The following ZC3H18 variants were observed in gnomAD, a reference collection of about 807,000 sequenced individuals.
ZC3H18 encodes the protein zinc finger CCCH-type containing 18.
In ZC3H18, 8 loss-of-function variants were observed where a neutral mutation model predicts 106.1. The ratio of observed to expected loss-of-function variants is 0.08; its 90% CI spans 0.04 to 0.14. The LOEUF is 0.14. Ranked by LOEUF, ZC3H18 falls within the 10% of genes least tolerant of loss-of-function variation. The pLI, the probability that ZC3H18 is intolerant of heterozygous loss-of-function variation, is 1.00. For synonymous variants in ZC3H18, 635 were observed against 522.1 expected, an observed-to-expected ratio of 1.22 and a Z score of -2.95; for missense variants, 1,318 against 1,278.4, an observed-to-expected ratio of 1.03 and a Z score of -0.47.
At chr16:88,605,662 A>C (rs1214061942) in intron 6 of ZC3H18, among the ~76,000 whole-genome samples, 1 of 152,270 alleles carries the variant, frequency 6.6e-6, no homozygotes, top group Non-Finnish European at 1.5e-5. Flanking sequence ...ATTAAAAGTG[A>C]GTAGTGTTAG....
intron 1 of ZC3H18, chr16:88,571,707 A>T (rs1392623514): frequency 2.0e-6 from 2 of 982,986 alleles, no homozygotes; most frequent in Admixed American, 6.2e-5. Context: ...GTGTTTACAG[A>T]GATTTGTATT....
rs747611042 is a variant in ZC3H18 at position 88,623,275 on chromosome 16, G to A, written c.1724G>A (p.Arg575Gln). The A allele has an allele frequency of 3.4e-5, 55 of 1,613,524 alleles. No individual in the cohort carries two copies. The highest frequency in any genetic ancestry group is 6.6e-5 in the South Asian group (6 of 91,086). The change falls in exon 10 of 18, where the codon CGG becomes CAG. Residue 575 changes from arginine (R) to glutamine (Q), a missense_variant. Physicochemically the swap from Arg to Gln is conservative, Grantham distance 43 (BLOSUM62 1). This residue lies in a region of ZC3H18 where 848 missense variants were observed against 821.7 expected (regional missense o/e 1.03). Transcript: ENST00000301011. ...TCCGGCTCCTCCCGGTCGCGATCCC[G>A]GTCTTCATCCTACAGCTCCTACTCC... Reference protein sequence around the residue: ...SGSGSSRSRSRSSSYSSYSSR... With the variant: ...SGSGSSRSRSQSSSYSSYSSR...
chr16:88,611,881 C>G (rs1597348523), intron 8 of ZC3H18, among the ~76,000 whole-genome samples: 1 of 152,218 alleles, frequency 6.6e-6, no homozygotes, highest in Non-Finnish European at 1.5e-5. Context: ...AACTCACACC[C>G]TGGGCACCAT....
chr16:88,607,424 T>G (rs1905064888), intron 6 of ZC3H18, among the ~76,000 whole-genome samples: 1 of 152,236 alleles, frequency 6.6e-6, no homozygotes, highest in Admixed American at 6.5e-5. Flanking sequence ...CTCATTGGTG[T>G]TTTTGCTGGG....
intron 6 of ZC3H18, among the ~76,000 whole-genome samples, chr16:88,606,978 G>A (rs140567141): frequency 1.3e-5 from 2 of 152,280 alleles, no homozygotes; most frequent in East Asian, 1.9e-4. Flanking sequence ...CTGGAGGGGC[G>A]TCCAGGGACC....
chr16:88,618,060 G>A (rs978966009), intron 8 of ZC3H18, among the ~76,000 whole-genome samples: 13 of 152,374 alleles, frequency 8.5e-5, no homozygotes, highest in African/African-American at 2.4e-4. Context: ...CACAGAAGGC[G>A]CAGTTGCTGG....
At chr16:88,619,361 C>G (rs1008297941) in intron 8 of ZC3H18, among the ~76,000 whole-genome samples, 1 of 152,204 alleles carries the variant, frequency 6.6e-6, no homozygotes, top group Non-Finnish European at 1.5e-5. Context: ...CATGGACTTG[C>G]TGGATAGGAC....
At chr16:88,609,346 G>A in intron 7 of ZC3H18, 1 of 209,614 alleles carries the variant, frequency 4.8e-6, no homozygotes, top group South Asian at 6.4e-5. Flanking sequence ...CACCCAGGCT[G>A]GAGTGCAGCG....
chr16:88,614,047 A>G (rs1033092504), intron 8 of ZC3H18, among the ~76,000 whole-genome samples: 1 of 152,198 alleles, frequency 6.6e-6, no homozygotes, highest in African/African-American at 2.4e-5. Context: ...CCTTATTGGG[A>G]AACAGCCCGA....
chr16:88,586,742 T>C (rs1177854798), intron 3 of ZC3H18, 58 bp downstream of exon 3: 7 of 1,401,924 alleles, frequency 5.0e-6, no homozygotes, highest in Non-Finnish European at 5.0e-6. Context: ...CTTCTGGGGC[T>C]GTGGTGCTGG....
At position 88,623,205 on chromosome 16, in the gene ZC3H18, C is replaced by T; in HGVS notation, c.1668-14C>T. The T allele has an allele frequency of 1.2e-6, 2 of 1,610,700 alleles. No individual in the cohort carries two copies. Among genetic ancestry groups the T allele is most frequent in the Non-Finnish European group, 1.7e-6 (2 of 1,179,564 alleles). The stretch of plus-strand genomic sequence containing the variant: ...CTTCTCACTTCTCGCCACGCTCCGT[C>T]CCGCCCGCCCCAGGTCGTCTTCGCG... On this transcript the variant is annotated splice_polypyrimidine_tract_variant and intron_variant, in intron 9 of 17. Transcript: ENST00000301011.
intron 6 of ZC3H18, chr16:88,608,591 G>C (rs1905123413): frequency 6.1e-6 from 1 of 163,816 alleles, no homozygotes; most frequent in African/African-American, 2.4e-5. Flanking sequence ...TCAAACTCCT[G>C]ACCTCAGGTG....
chr16:88,622,408 C>T lies in ZC3H18; in HGVS notation c.1667+20C>T, dbSNP rs200051446. 2.1e-5 allele frequency: 34 copies of T among 1,583,644 alleles called. No homozygotes were observed. In the African/African-American group the frequency reaches 3.8e-4, roughly 18 times the overall value. On this transcript the variant is annotated intron_variant, in intron 9 of 17. Coordinates refer to ENST00000301011, the MANE Select transcript of ZC3H18 (RefSeq NM_144604.4). ...CTCCAGGTAAGGAGGGCTCGTGGGA[C>T]GGCTGGGGTGTCAGCACCTTGGAGC...
chr16:88,628,983 G>A (rs187527065), intron 16 of ZC3H18, 129 bp downstream of exon 16: 10 of 805,658 alleles, frequency 1.2e-5, no homozygotes, highest in Admixed American at 5.5e-5. Flanking sequence ...ACTTGCAGAT[G>A]ATGCCTGTCG....
chr16:88,622,435 G>T (rs368749779), intron 9 of ZC3H18, 47 bp downstream of exon 9: 1 of 1,531,318 alleles, frequency 6.5e-7, no homozygotes, highest in South Asian at 1.2e-5. Flanking sequence ...CCTTGGAGCC[G>T]TCAGCTGACA....
Position 88,624,633 on chromosome 16 carries a change from C to G in ZC3H18, c.1930C>G (p.Pro644Ala), listed in dbSNP as rs763513939. 3.1e-6 allele frequency: 5 copies of G among 1,613,870 alleles called. No individual in the cohort carries two copies. In the South Asian group the frequency reaches 4.4e-5, roughly 14 times the overall value. The change falls in exon 12 of 18, where the codon CCA becomes GCA. Residue 644 changes from proline to alanine, a missense_variant. By Grantham distance (27) the Pro-to-Ala change is conservative (BLOSUM62 -1). This residue lies in a region of ZC3H18 where 848 missense variants were observed against 821.7 expected (regional missense o/e 1.03). Transcript: ENST00000301011. ...GTCAGTGAAGAAGCCGGCCCCGCCT[C>G]CAGCCCCACCACAGGCCACCAAAAC... is the stretch of plus-strand genomic sequence containing the variant. ...EKSVKKPAPPPAPPQATKTTA... is the reference protein window; with the variant it reads ...EKSVKKPAPPAAPPQATKTTA...
intron 6 of ZC3H18, among the ~76,000 whole-genome samples, chr16:88,605,078 C>G (rs1271693123): frequency 2.0e-5 from 3 of 152,270 alleles, no homozygotes; most frequent in Non-Finnish European, 2.9e-5. Context: ...CCTCAGGTAA[C>G]AGGTCTACCA....
chr16:88,582,219 CT>C (rs71391393), intron 2 of ZC3H18, among the ~76,000 whole-genome samples: 21 of 77,176 alleles, frequency 2.7e-4, no homozygotes, highest in African/African-American at 1.1e-3. Flanking sequence ...TTTTTCTTTT[CT>C]TTTTTTTTTT....
Position 88,627,187 on chromosome 16 carries a change from A to T in ZC3H18, c.2109-435A>T, listed in dbSNP as rs1430749052. The stretch of plus-strand genomic sequence containing the variant: ...CGGGTTCAAGCGATTTTTTTGCCTC[A>T]GCCTCCCCAGTAGCTGGGATTACAG... On this transcript the variant is annotated intron_variant, in intron 13 of 17. Transcript: ENST00000301011. The surrounding 1 kb of genome is among the most constrained non-coding windows in gnomAD (Gnocchi z 4.5). The T allele has an allele frequency of 6.5e-6, 1 of 154,500 alleles. No individual in the cohort carries two copies. Among genetic ancestry groups the T allele is most frequent in the Non-Finnish European group, 1.4e-5 (1 of 69,610 alleles). 9.6% of individuals were successfully genotyped at this position (154,500 alleles called of 1,614,324 possible).
Sources: allele counts gnomAD v4.1 joint callset (sites outside exome capture counted in the v4.1 genomes callset), GRCh38; gene constraint gnomAD v4.1.1; regional missense constraint gnomAD v4.1.1; non-coding constraint Gnocchi (gnomAD v3.1); transcripts MANE v1.5; gene names NCBI Gene and HGNC (gene_info 2026-07-23, HGNC 2026-07-21).